TRIM42: variants seen among roughly 807,000 people sequenced by gnomAD.
The protein encoded by TRIM42 is tripartite motif containing 42.
In TRIM42, 59 loss-of-function variants were observed where a neutral mutation model predicts 64.9. That is an observed-to-expected ratio of 0.91 (90% CI 0.74 to 1.13). TRIM42 has a LOEUF of 1.13. Among genes scored for constraint, TRIM42 ranks in the 50% most tolerant of loss-of-function variants. The probability of loss-of-function intolerance (pLI) is 0.00; values close to 1 mark genes in which losing one functional copy is unlikely to be tolerated. For synonymous variants in TRIM42, 354 were observed against 346.3 expected (o/e 1.02, Z -0.25); for missense variants, 878 against 929.5 (o/e 0.94, Z 0.72).
chr3:140,692,286 A>C (rs1988734964), intron 4 of TRIM42, among the ~76,000 whole-genome samples: 1 of 152,010 alleles, frequency 6.6e-6, no homozygotes, highest in Admixed American at 6.6e-5. Context: ...CCCCTGTGTG[A>C]CCTTAAAGCT....
At position 140,687,860 on chromosome 3, in the gene TRIM42, T is replaced by C. The variant is rs1988588248; in HGVS notation, c.1178T>C (p.Ile393Thr). Reference sequence around the variant, plus strand: ...AGCATTCTTCAGGAGAAAGAGAAGATCATCATGGAGCAGATAGAGAATCTA... The same window carrying C: ...AGCATTCTTCAGGAGAAAGAGAAGACCATCATGGAGCAGATAGAGAATCTA... ...LRSILQEKEK[I>T]IMEQIENLEV... Residue 393 changes from isoleucine (I) to threonine (T), a missense_variant, in exon 3 of 5, where the codon ATC becomes ACC. Physicochemically the swap from Ile to Thr is moderately conservative, Grantham distance 89 (BLOSUM62 -1). Transcript: ENST00000286349. The C allele has an allele frequency of 6.2e-7, 1 of 1,614,030 alleles. No homozygotes were observed. The highest frequency in any genetic ancestry group is 1.7e-5 in the Admixed American group (1 of 60,006).
chr3:140,692,572 T>TAG (rs147431180), intron 4 of TRIM42, among the ~76,000 whole-genome samples: 14 of 56,380 alleles, frequency 2.5e-4, no homozygotes, highest in African/African-American at 5.1e-4. Flanking sequence ...CAGAGAGAGA[T>TAG]AGAGAGAGAG....
At chr3:140,678,701 G>T (rs1253577868) in intron 1 of TRIM42, 131 bp downstream of exon 1, 2 of 708,712 alleles carry the variant, frequency 2.8e-6, no homozygotes, top group Non-Finnish European at 4.6e-6. Flanking sequence ...GAGGAGCCAA[G>T]AATTTTGTAG....
Position 140,682,786 on chromosome 3 carries a change from C to T in TRIM42, c.666C>T (p.His222=), listed in dbSNP as rs144590529. 162 of 1,613,644 alleles carry T rather than the reference C, an allele frequency of 1.0e-4. No individual in the cohort carries two copies. The African/African-American group carries it at 2.0e-3, about 20-fold the overall frequency. ...GRLTKRYMQE[H]GYLKWRFDRS... is the part of the protein sequence containing the mutation. ...TCACCAAGCGCTACATGCAGGAGCA[C>T]GGCTACCTCAAGTGGCGCTTTGACC... The change falls in exon 2 of 5, where the codon CAC becomes CAT. Residue 222 remains histidine (H), a synonymous_variant. Coordinates refer to ENST00000286349, the MANE Select transcript of TRIM42 (RefSeq NM_152616.5).
At chr3:140,692,432 T>C (rs914993698) in intron 4 of TRIM42, among the ~76,000 whole-genome samples, 2 of 151,484 alleles carry the variant, frequency 1.3e-5, no homozygotes, top group Middle Eastern at 3.2e-3. Flanking sequence ...CAATAGCAAA[T>C]CTCCTAGGGT....
Position 140,683,123 on chromosome 3 carries a change from G to A in TRIM42, c.1003G>A (p.Ala335Thr), listed in dbSNP as rs1311230606. The change falls in exon 2 of 5, where the codon GCC becomes ACC. Residue 335 changes from alanine to threonine, a missense_variant. Coordinates refer to ENST00000286349, the MANE Select transcript of TRIM42 (RefSeq NM_152616.5). ...SLIDACSERAASLFSAIAKFK... is the reference protein window; with the variant it reads ...SLIDACSERATSLFSAIAKFK... Reference sequence around the variant, plus strand: ...CATCGACGCCTGCTCCGAGAGGGCCGCCTCACTCTTCAGCGCCATCGCCAA... The same window carrying A: ...CATCGACGCCTGCTCCGAGAGGGCCACCTCACTCTTCAGCGCCATCGCCAA... The A allele has an allele frequency of 6.2e-6, 10 of 1,614,154 alleles. No individual in the cohort carries two copies. Among genetic ancestry groups the A allele is most frequent in the South Asian group, 3.3e-5 (3 of 91,066 alleles).
chr3:140,692,576 G>A (rs1415692873), intron 4 of TRIM42, among the ~76,000 whole-genome samples: 1 of 72,786 alleles, frequency 1.4e-5, no homozygotes, highest in Non-Finnish European at 3.8e-5. Flanking sequence ...GAGAGATAGA[G>A]AGAGAGAGAG....
chr3:140,697,056 T>A (rs942609839), intron 4 of TRIM42, among the ~76,000 whole-genome samples: 2 of 152,224 alleles, frequency 1.3e-5, no homozygotes, highest in African/African-American at 2.4e-5. Context: ...AAGATCCAGT[T>A]TTCTATTATT....
At chr3:140,696,152 T>C (rs575756757) in intron 4 of TRIM42, among the ~76,000 whole-genome samples, 92 of 152,348 alleles carry the variant, frequency 6.0e-4, no homozygotes, top group Middle Eastern at 3.4e-3. Context: ...CCTATTCTTA[T>C]TTATATATTC....
At chr3:140,697,974 C>T (rs531747257) in intron 4 of TRIM42, among the ~76,000 whole-genome samples, 23 of 152,232 alleles carry the variant, frequency 1.5e-4, no homozygotes, top group Admixed American at 2.6e-4. Context: ...TGAGCCACCG[C>T]GCCTGGCCAG....
intron 4 of TRIM42, among the ~76,000 whole-genome samples, chr3:140,693,506 A>T (rs1988774292): frequency 6.6e-6 from 1 of 152,224 alleles, no homozygotes; most frequent in Non-Finnish European, 1.5e-5. Flanking sequence ...ATTTGTCATG[A>T]TTTGCATAAG....
At position 140,682,906 on chromosome 3, in the gene TRIM42, C is replaced by T. The variant is rs756969599; in HGVS notation, c.786C>T (p.Cys262=). 3.7e-5 allele frequency: 59 copies of T among 1,614,244 alleles called. No homozygotes were observed. Among genetic ancestry groups the T allele is most frequent in the Non-Finnish European group, 4.8e-5 (57 of 1,180,050 alleles). ...ITCRLNLCND[C]LKAFHSDVAM... is the part of the protein sequence containing the mutation. ...GCCGCCTCAACCTGTGCAACGACTG[C>T]CTCAAGGCCTTCCACTCGGATGTGG... The change falls in exon 2 of 5, where the codon TGC becomes TGT. Residue 262 remains cysteine (C), a synonymous_variant. Transcript: ENST00000286349.
intron 3 of TRIM42, 133 bp from the exon 4 acceptor site, chr3:140,690,835 A>G (rs1988689998): frequency 3.0e-6 from 2 of 667,504 alleles, no homozygotes; most frequent in South Asian, 3.7e-5. Context: ...TCTAATTAAA[A>G]GTCTTCGGTA....
chr3:140,684,013 TC>T (rs1409345558), intron 2 of TRIM42, among the ~76,000 whole-genome samples: 6 of 152,006 alleles, frequency 3.9e-5, no homozygotes, highest in Admixed American at 3.3e-4. Flanking sequence ...CCCCATAATT[TC>T]TGGGTATGTC....
At chr3:140,700,467 G>A (rs956705134) in intron 4 of TRIM42, among the ~76,000 whole-genome samples, 3 of 151,874 alleles carry the variant, frequency 2.0e-5, no homozygotes, top group Non-Finnish European at 4.4e-5. Flanking sequence ...CCCCAATCAA[G>A]GTGCTCATGG....
intron 4 of TRIM42, among the ~76,000 whole-genome samples, chr3:140,698,396 T>C (rs1988911487): frequency 6.6e-6 from 1 of 152,186 alleles, no homozygotes; most frequent in African/African-American, 2.4e-5. Context: ...GGTGCACATA[T>C]TCCTGGTTAA....
chr3:140,678,564 A>G lies in TRIM42; in HGVS notation c.335A>G (p.His112Arg). 1 of 1,611,398 alleles carries G rather than the reference A, an allele frequency of 6.2e-7. No homozygotes were observed. Among genetic ancestry groups the G allele is most frequent in the Non-Finnish European group, 8.5e-7 (1 of 1,178,072 alleles). ...CACAAGGGCCGCCTCAGGAGCATCC[A>G]TACCTCGTAAGTGCCAGGCACCAGA... ...TFHKGRLRSIHTSSKTALRTG... is the reference protein window; with the variant it reads ...TFHKGRLRSIRTSSKTALRTG... Residue 112 changes from histidine (H) to arginine (R), a missense_variant, in exon 1 of 5, where the codon CAT (histidine) becomes CGT (arginine). Physicochemically the swap from His to Arg is conservative, Grantham distance 29 (BLOSUM62 0). Coordinates refer to ENST00000286349, the MANE Select transcript of TRIM42 (RefSeq NM_152616.5).
At chr3:140,678,603 T>C (rs1473291531) in intron 1 of TRIM42, 33 bp downstream of exon 1, 8 of 1,573,766 alleles carry the variant, frequency 5.1e-6, no homozygotes, top group African/African-American at 2.7e-5. Flanking sequence ...GGGGCCGCAT[T>C]GGGTCATGAA....
chr3:140,700,999 T>C lies in TRIM42; in HGVS notation c.*25T>C. On this transcript the variant is annotated 3_prime_UTR_variant, in exon 5 of 5. Coordinates refer to ENST00000286349, the MANE Select transcript of TRIM42 (RefSeq NM_152616.5). Reference sequence around the variant, plus strand: ...AGCCCCTTCAGAGCAGGAAACAACCTCAGACTCATCACAAAGTAGACATAT... The same window carrying C: ...AGCCCCTTCAGAGCAGGAAACAACCCCAGACTCATCACAAAGTAGACATAT... 1 of 1,601,642 alleles carries C rather than the reference T, an allele frequency of 6.2e-7. No individual in the cohort carries two copies. The highest frequency in any genetic ancestry group is 8.6e-7 in the Non-Finnish European group (1 of 1,169,384).
Sources: allele counts gnomAD v4.1 joint callset (sites outside exome capture counted in the v4.1 genomes callset), GRCh38; gene constraint gnomAD v4.1.1; transcripts MANE v1.5; gene names NCBI Gene and HGNC (gene_info 2026-07-23, HGNC 2026-07-21).